SLC22A3: variants seen among roughly 807,000 people sequenced by gnomAD.
The protein encoded by SLC22A3 is EMT organic cation transporter 3.
SLC22A3 carries 51 observed loss-of-function variants against 59.1 expected under a neutral mutation model. That is an observed-to-expected ratio of 0.86 (90% CI 0.69 to 1.09). The LOEUF is 1.09. Ranked by LOEUF, SLC22A3 falls within the 50% of genes least tolerant of loss-of-function variation. The probability of loss-of-function intolerance (pLI) is 0.00; values close to 1 mark genes in which losing one functional copy is unlikely to be tolerated. For missense variants in SLC22A3, 711 were observed against 726.3 expected (o/e 0.98, Z 0.24); for synonymous variants, 325 against 292.0 (o/e 1.11, Z -1.15).
At chr6:160,444,419 C>T (rs1219467276) in intron 9 of SLC22A3, among the ~76,000 whole-genome samples, 2 of 152,166 alleles carry the variant, frequency 1.3e-5, no homozygotes, top group African/African-American at 2.4e-5. Context: ...CTGGTGTTCT[C>T]TCTCTATGGA....
chr6:160,391,647 ATCT>A (rs985512861), intron 1 of SLC22A3, among the ~76,000 whole-genome samples: 7 of 152,180 alleles, frequency 4.6e-5, no homozygotes, highest in African/African-American at 1.2e-4. Flanking sequence ...AGAACCTTTC[ATCT>A]TCTTCTCGTC....
intron 1 of SLC22A3, among the ~76,000 whole-genome samples, chr6:160,349,395 G>A (rs898171081): frequency 5.9e-5 from 9 of 152,222 alleles, no homozygotes; most frequent in African/African-American, 1.9e-4. Flanking sequence ...AGGCTTTCCC[G>A]GGGAATGGTT....
chr6:160,408,176 G>C (rs1383508803), intron 3 of SLC22A3, among the ~76,000 whole-genome samples: 2 of 152,156 alleles, frequency 1.3e-5, no homozygotes, highest in African/African-American at 4.8e-5. Flanking sequence ...GAAGGGGCAG[G>C]AAAGGAAAAG....
chr6:160,386,803 G>A (rs750805983), intron 1 of SLC22A3, among the ~76,000 whole-genome samples: 1 of 152,248 alleles, frequency 6.6e-6, no homozygotes, highest in African/African-American at 2.4e-5. Context: ...CTGTTGCTTT[G>A]GAGCCTCTTA....
chr6:160,360,039 T>C (rs1372036184), intron 1 of SLC22A3, among the ~76,000 whole-genome samples: 2 of 152,232 alleles, frequency 1.3e-5, no homozygotes, highest in Admixed American at 6.5e-5. Flanking sequence ...ATTCTTTTTA[T>C]AATAGTTTTC....
intron 5 of SLC22A3, among the ~76,000 whole-genome samples, chr6:160,420,686 C>T (rs1787693138): frequency 6.6e-6 from 1 of 152,202 alleles, no homozygotes. Flanking sequence ...AAAAAAATGT[C>T]TCAGGCAAAC....
At chr6:160,417,329 A>G (rs3106166) in intron 5 of SLC22A3, among the ~76,000 whole-genome samples, 83,258 of 152,040 alleles carry the variant, frequency 0.55, 24,005 homozygotes, top group African/African-American at 0.74. Context: ...AAGGAGAGCT[A>G]CAGCCTGGAG....
chr6:160,349,204 T>A, intron 1 of SLC22A3: 1 of 452,198 alleles, frequency 2.2e-6, no homozygotes, highest in Non-Finnish European at 2.9e-6. Context: ...GCGCCGTCAT[T>A]GGAAATTATG....
intron 1 of SLC22A3, 121 bp downstream of exon 1, chr6:160,348,969 C>G: frequency 6.6e-7 from 1 of 1,523,310 alleles, no homozygotes; most frequent in Admixed American, 2.0e-5. Flanking sequence ...GACCGGTCGG[C>G]TACCTCTGGG....
At chr6:160,391,867 C>T (rs1786273645) in intron 1 of SLC22A3, among the ~76,000 whole-genome samples, 1 of 152,152 alleles carries the variant, frequency 6.6e-6, no homozygotes, top group East Asian at 1.9e-4. Flanking sequence ...TTTCATGTCT[C>T]CCAATTTCAC....
At chr6:160,433,724 A>AT (rs1583509614) in intron 5 of SLC22A3, among the ~76,000 whole-genome samples, 1 of 152,100 alleles carries the variant, frequency 6.6e-6, no homozygotes, top group Admixed American at 6.5e-5. Flanking sequence ...ATTTTTTTAA[A>AT]TTTTTTTAAA....
chr6:160,411,862 T>G lies in SLC22A3; in HGVS notation c.975+1016T>G, dbSNP rs316241. 5.2e-3 allele frequency among the ~76,000 whole-genome samples: 797 copies of G among 152,300 alleles called. 12 individuals are homozygous for G. The East Asian group carries it at 0.062, about 12-fold the overall frequency. ...AAGCAACCCATAAATAATTAGAGAA[T>G]AGCATATAAAGAAAAATATGATGAT... On this transcript the variant is annotated intron_variant, in intron 5 of 10. Transcript: ENST00000275300.
chr6:160,422,839 TTTTAAGTTATAC>T (rs919318197), intron 5 of SLC22A3, among the ~76,000 whole-genome samples: 1 of 152,158 alleles, frequency 6.6e-6, no homozygotes, highest in Non-Finnish European at 1.5e-5. Flanking sequence ...TTCTTTTTTT[TTTTAAGTTATAC>T]TTTAAGTTCT....
chr6:160,450,503 A>C (rs1280323097), intron 10 of SLC22A3, among the ~76,000 whole-genome samples: 1 of 152,230 alleles, frequency 6.6e-6, no homozygotes. Flanking sequence ...CAATTTGTAC[A>C]GTTAACACAG....
chr6:160,356,087 A>G lies in SLC22A3; in HGVS notation c.429+7239A>G, dbSNP rs560635200. 1.1e-4 allele frequency among the ~76,000 whole-genome samples: 16 copies of G among 152,318 alleles called. No homozygotes were observed. The East Asian group carries it at 3.1e-3, about 29-fold the overall frequency. ...CTTGGCACGTGTAATGCTTTTTATG[A>G]CCATGGCTAGGCCAACCCTGGAATT... On this transcript the variant is annotated intron_variant, in intron 1 of 10. Transcript: ENST00000275300.
intron 1 of SLC22A3, among the ~76,000 whole-genome samples, chr6:160,378,021 T>G (rs1785661474): frequency 6.6e-6 from 1 of 152,218 alleles, no homozygotes; most frequent in Non-Finnish European, 1.5e-5. Context: ...ACCTGGTGTT[T>G]GTATTTAACA....
intron 7 of SLC22A3, among the ~76,000 whole-genome samples, chr6:160,439,060 A>C (rs910266946): frequency 6.6e-6 from 1 of 152,126 alleles, no homozygotes; most frequent in African/African-American, 2.4e-5. Context: ...ACTACATGGA[A>C]TTAACATATT....
Position 160,399,592 on chromosome 6 carries a change from T to C in SLC22A3, c.533+1510T>C, listed in dbSNP as rs424692. 5.2e-3 allele frequency among the ~76,000 whole-genome samples: 795 copies of C among 152,310 alleles called. 11 individuals carry two copies. The East Asian group carries it at 0.062, about 12-fold the overall frequency. ...AAAGAGGAGCCATGAATAACTCTGC[T>C]TCCTACATTTGGCTTCTTCTCTTCC... On this transcript the variant is annotated intron_variant, in intron 2 of 10. Coordinates refer to ENST00000275300, the MANE Select transcript of SLC22A3 (RefSeq NM_021977.4).
chr6:160,427,080 C>T (rs989193834), intron 5 of SLC22A3, among the ~76,000 whole-genome samples: 1 of 152,090 alleles, frequency 6.6e-6, no homozygotes, highest in Non-Finnish European at 1.5e-5. Flanking sequence ...CAGGACTCTC[C>T]CAGCAGGCAG....
Sources: gnomAD v4.1 joint callset for allele counts (sites outside exome capture counted in the v4.1 genomes callset) on GRCh38, gnomAD v4.1.1 for gene constraint, MANE v1.5 for transcripts, NCBI Gene and HGNC (gene_info 2026-07-23, HGNC 2026-07-21) for gene names.